LINGO2: variants seen among roughly 807,000 people sequenced by gnomAD.
LINGO2 encodes leucine rich repeat and Ig domain containing 2, also known as leucine-rich repeat and immunoglobulin-like domain-containing nogo receptor-interacting protein 2.
A neutral mutation model predicts 30.6 loss-of-function variants in LINGO2; 14 were observed. The observed-to-expected ratio is 0.46, with a 90% confidence interval of 0.30 to 0.72. The LOEUF (loss-of-function observed/expected upper bound fraction) is 0.72. Among genes scored for constraint, LINGO2 ranks in the 30% least tolerant of loss-of-function variants. The pLI is 0.07. For synonymous variants in LINGO2, 317 were observed against 288.5 expected, an observed-to-expected ratio of 1.10 and a Z score of -1.00; for missense variants, 729 against 751.7, an observed-to-expected ratio of 0.97 and a Z score of 0.35.
the LINGO2 span, among the ~76,000 whole-genome samples, chr9:28,809,474 G>A: frequency 6.6e-6 from 1 of 152,140 alleles, no homozygotes; most frequent in Non-Finnish European, 1.5e-5. Flanking sequence ...GGCTGGGCGT[G>A]GTGGCTCACG....
At chr9:28,466,055 T>G (rs565571490) in intron 2 of LINGO2, among the ~76,000 whole-genome samples, 1 of 150,996 alleles carries the variant, frequency 6.6e-6, no homozygotes, top group African/African-American at 2.4e-5. Flanking sequence ...AGTTCAGAGG[T>G]TTCAAAAAAA....
intron 2 of LINGO2, among the ~76,000 whole-genome samples, chr9:28,473,161 A>G (rs562068051): frequency 7.6e-4 from 115 of 151,682 alleles, no homozygotes; most frequent in Non-Finnish European, 1.4e-3. Flanking sequence ...TCTAACAGAC[A>G]AGTGACAAGA....
At chr9:28,179,210 A>C (rs1359338399) in intron 4 of LINGO2, among the ~76,000 whole-genome samples, 2 of 135,232 alleles carry the variant, frequency 1.5e-5, no homozygotes, top group African/African-American at 2.7e-5. Context: ...AGCTGATCTA[A>C]TGTGTGTGGA....
chr9:28,632,950 C>A (rs1827071097), intron 1 of LINGO2, among the ~76,000 whole-genome samples: 1 of 143,266 alleles, frequency 7.0e-6, no homozygotes, highest in Non-Finnish European at 1.5e-5. Flanking sequence ...CTCACAAGGT[C>A]CCAAAATAGG....
At chr9:28,903,760 T>C in the LINGO2 span, among the ~76,000 whole-genome samples, 3 of 152,156 alleles carry the variant, frequency 2.0e-5, no homozygotes, top group Admixed American at 1.3e-4. Flanking sequence ...ATTACAGATA[T>C]GAGCCACCAT....
intron 4 of LINGO2, among the ~76,000 whole-genome samples, chr9:28,042,065 A>G (rs1337371967): frequency 6.6e-6 from 1 of 152,304 alleles, no homozygotes; most frequent in East Asian, 1.9e-4. Context: ...GGAGAATAAA[A>G]TTTACCTACA....
intron 5 of LINGO2, among the ~76,000 whole-genome samples, chr9:27,962,494 G>A (rs1359548945): frequency 6.6e-6 from 1 of 152,110 alleles, no homozygotes; most frequent in Non-Finnish European, 1.5e-5. Flanking sequence ...GGGTGGATAA[G>A]CACCCCGGCA....
At chr9:28,432,883 A>G (rs1823734566) in intron 2 of LINGO2, among the ~76,000 whole-genome samples, 1 of 152,148 alleles carries the variant, frequency 6.6e-6, no homozygotes, top group South Asian at 2.1e-4. Context: ...TATATACTGA[A>G]GATTAATCAC....
intron 2 of LINGO2, among the ~76,000 whole-genome samples, chr9:28,420,246 T>G (rs1353611504): frequency 6.6e-6 from 1 of 152,200 alleles, no homozygotes; most frequent in South Asian, 2.1e-4. Flanking sequence ...CTGTAAAACT[T>G]ATTTCTCCTT....
intron 3 of LINGO2, among the ~76,000 whole-genome samples, chr9:28,330,603 A>C (rs995907772): frequency 6.6e-6 from 1 of 152,170 alleles, no homozygotes; most frequent in Non-Finnish European, 1.5e-5. Flanking sequence ...ATACGAATAA[A>C]TAAATAAATA....
At chr9:29,147,320 GA>G in the LINGO2 span, among the ~76,000 whole-genome samples, 24,173 of 151,920 alleles carry the variant, frequency 0.16, 2,029 homozygotes, top group East Asian at 0.34. Context: ...TAGGATTTAT[GA>G]TTCTTGTTTT....
At chr9:28,537,046 C>T (rs1021122215) in intron 1 of LINGO2, among the ~76,000 whole-genome samples, 1 of 151,942 alleles carries the variant, frequency 6.6e-6, no homozygotes, top group South Asian at 2.1e-4. Context: ...TAGGCATGCA[C>T]ACAGGGATAA....
intron 1 of LINGO2, among the ~76,000 whole-genome samples, chr9:28,562,457 C>CAAAAAAAAAAA (rs56998877): frequency 1.0e-4 from 11 of 109,170 alleles, no homozygotes; most frequent in South Asian, 3.5e-4. Flanking sequence ...CATTTACTTT[C>CAAAAAAAAAAA]AAAAAAAAAA....
the LINGO2 span, among the ~76,000 whole-genome samples, chr9:28,875,569 A>T: frequency 6.6e-6 from 1 of 152,028 alleles, no homozygotes; most frequent in Non-Finnish European, 1.5e-5. Context: ...AGGGGCATAT[A>T]TTGCATTTAT....
intron 4 of LINGO2, among the ~76,000 whole-genome samples, chr9:28,240,339 G>GA (rs1298367860): frequency 6.6e-6 from 1 of 151,922 alleles, no homozygotes; most frequent in Non-Finnish European, 1.5e-5. Flanking sequence ...TGAGTAAAAA[G>GA]AAAAAACTGG....
At chr9:28,888,773 T>A in the LINGO2 span, 4 of 468,186 alleles carry the variant, frequency 8.5e-6, no homozygotes, top group South Asian at 1.6e-5. Flanking sequence ...TACTTCCTTG[T>A]TTAGAACTTA....
At chr9:28,768,290 G>C in the LINGO2 span, among the ~76,000 whole-genome samples, 1 of 152,100 alleles carries the variant, frequency 6.6e-6, no homozygotes, top group Non-Finnish European at 1.5e-5. Flanking sequence ...ACCTTTTACA[G>C]GTTCCAAAAC....
At chr9:28,330,765 T>A (rs1027066548) in intron 3 of LINGO2, among the ~76,000 whole-genome samples, 8 of 152,178 alleles carry the variant, frequency 5.3e-5, no homozygotes, top group Non-Finnish European at 8.8e-5. Flanking sequence ...TTATGCTTAA[T>A]GCTTTGTGGT....
At chr9:29,045,472 G>A in the LINGO2 span, among the ~76,000 whole-genome samples, 17 of 151,912 alleles carry the variant, frequency 1.1e-4, no homozygotes, top group South Asian at 1.5e-3. Context: ...ATTTTCTATA[G>A]TGTGCTACCT....
Sources: gnomAD v4.1 joint callset for allele counts (sites outside exome capture counted in the v4.1 genomes callset) on GRCh38, gnomAD v4.1.1 for gene constraint, MANE v1.5 for transcripts, NCBI Gene and HGNC (gene_info 2026-07-23, HGNC 2026-07-21) for gene names.